NELL2: variants seen among roughly 807,000 people sequenced by gnomAD.
NELL2 encodes the protein protein kinase C-binding protein NELL2.
NELL2 carries 41 observed loss-of-function variants against 109.6 expected under a neutral mutation model. The ratio of observed to expected loss-of-function variants is 0.37; its 90% CI spans 0.29 to 0.49. NELL2 has a LOEUF of 0.49. NELL2 is among the 20% of genes least tolerant of loss of function. The pLI is 0.98. For missense variants in NELL2, 900 were observed against 1,008.3 expected, an observed-to-expected ratio of 0.89 and a Z score of 1.45; for synonymous variants, 355 against 344.7, an observed-to-expected ratio of 1.03 and a Z score of -0.33.
In NELL2 at chr12:44,774,730, A is replaced by G. The variant is rs1221644045; in HGVS notation, c.994+17T>C. 1.9e-6 allele frequency: 3 copies of G among 1,594,846 alleles called. No homozygotes were observed. The highest frequency in any genetic ancestry group is 3.3e-5 in the Admixed American group (2 of 59,992). ...TATTTTTCCAAAGAAAGTATTCATC[A>G]TAAAAGTTATGCTCACATTTGCATT... On this transcript the variant is annotated intron_variant, in intron 9 of 19. Coordinates refer to ENST00000429094, the MANE Select transcript of NELL2 (RefSeq NM_001145108.2).
chr12:44,540,750 T>C (rs1187567188), intron 15 of NELL2, among the ~76,000 whole-genome samples: 1 of 117,254 alleles, frequency 8.5e-6, no homozygotes, highest in African/African-American at 3.3e-5. Context: ...AACTGGCTCT[T>C]TTTTTAGCTT....
intron 14 of NELL2, among the ~76,000 whole-genome samples, chr12:44,608,875 C>A (rs781236620): frequency 2.7e-5 from 4 of 150,694 alleles, no homozygotes; most frequent in Non-Finnish European, 5.9e-5. Flanking sequence ...CCTCAGACAG[C>A]ACAGAAATCT....
At chr12:44,675,863 G>A (rs1948295729) in intron 12 of NELL2, among the ~76,000 whole-genome samples, 1 of 152,076 alleles carries the variant, frequency 6.6e-6, no homozygotes, top group East Asian at 1.9e-4. Context: ...AACATTTCTA[G>A]ACCCCAGGTT....
intron 15 of NELL2, among the ~76,000 whole-genome samples, chr12:44,540,795 A>AAAAAAAAAAAAAAAAAAAAAAC: frequency 6.7e-6 from 1 of 150,266 alleles, no homozygotes. Context: ...AAAAAAAAAA[A>AAAAAAAAAAAAAAAAAAAAAAC]AAAGCCCATC....
chr12:44,605,525 T>A (rs189179220), intron 15 of NELL2, among the ~76,000 whole-genome samples: 59 of 152,282 alleles, frequency 3.9e-4, no homozygotes, highest in Non-Finnish European at 6.5e-4. Context: ...CTACATGTTC[T>A]CTTGGGTTAT....
chr12:44,667,851 G>A lies in NELL2; in HGVS notation c.1319-2242C>T, dbSNP rs554118341. On this transcript the variant is annotated intron_variant, in intron 12 of 19. Coordinates refer to ENST00000429094, the MANE Select transcript of NELL2 (RefSeq NM_001145108.2). ...TGCAGAGGTCCACATTCCTACCACA[G>A]ACTCATATAATCCTAGCCACAAAAG... Among the ~76,000 whole-genome samples the A allele has an allele frequency of 1.4e-4, 21 of 152,262 alleles. No individual in the cohort carries two copies. The East Asian group carries it at 4.1e-3, about 29-fold the overall frequency.
At chr12:44,802,567 A>C (rs186812203) in intron 3 of NELL2, among the ~76,000 whole-genome samples, 26 of 152,238 alleles carry the variant, frequency 1.7e-4, no homozygotes, top group African/African-American at 5.3e-4. Context: ...TTATGGGAAT[A>C]AGATGTTATT....
chr12:44,686,225 C>A (rs937340777), intron 12 of NELL2, among the ~76,000 whole-genome samples: 1 of 152,190 alleles, frequency 6.6e-6, no homozygotes, highest in African/African-American at 2.4e-5. Context: ...GAGGCGTCTG[C>A]ATTCTTCACG....
intron 12 of NELL2, among the ~76,000 whole-genome samples, chr12:44,681,495 C>A (rs545030123): frequency 1.2e-4 from 18 of 151,892 alleles, no homozygotes; most frequent in African/African-American, 4.1e-4. Flanking sequence ...TATACATGCT[C>A]CATGCTGGTG....
At chr12:44,763,957 C>T (rs1280944682) in intron 9 of NELL2, among the ~76,000 whole-genome samples, 2 of 152,132 alleles carry the variant, frequency 1.3e-5, no homozygotes, top group African/African-American at 4.8e-5. Context: ...TGAGACAGCA[C>T]AATCTTTCTC....
intron 5 of NELL2, among the ~76,000 whole-genome samples, chr12:44,777,796 T>C (rs899000930): frequency 1.3e-5 from 2 of 152,188 alleles, no homozygotes; most frequent in Non-Finnish European, 2.9e-5. Context: ...TAAAACTAAT[T>C]TCTCAATTTA....
chr12:44,554,764 G>A (rs1943179287), intron 15 of NELL2, among the ~76,000 whole-genome samples: 3 of 152,160 alleles, frequency 2.0e-5, no homozygotes, highest in Admixed American at 2.0e-4. Context: ...GATACTTAAG[G>A]TAACAAACTG....
intron 15 of NELL2, among the ~76,000 whole-genome samples, chr12:44,561,707 A>G (rs1357017174): frequency 6.6e-6 from 1 of 152,224 alleles, no homozygotes; most frequent in Non-Finnish European, 1.5e-5. Context: ...ATGCTCATGG[A>G]TAGGAAGAAT....
intron 12 of NELL2, among the ~76,000 whole-genome samples, chr12:44,691,229 G>T (rs910131003): frequency 6.6e-6 from 1 of 152,136 alleles, no homozygotes; most frequent in Non-Finnish European, 1.5e-5. Flanking sequence ...CCAACAGCAG[G>T]TGCTTGTTTC....
intron 13 of NELL2, among the ~76,000 whole-genome samples, chr12:44,622,522 A>C (rs1339487074): frequency 6.6e-6 from 1 of 152,170 alleles, no homozygotes; most frequent in Admixed American, 6.5e-5. Context: ...TAAAGAGTAC[A>C]CTCAACAAAC....
intron 13 of NELL2, among the ~76,000 whole-genome samples, chr12:44,624,439 C>T (rs1229220113): frequency 6.6e-6 from 1 of 152,130 alleles, no homozygotes; most frequent in Non-Finnish European, 1.5e-5. Flanking sequence ...ATTCATGGCT[C>T]TTATTCTACC....
chr12:44,591,783 G>A (rs995390846), intron 15 of NELL2, among the ~76,000 whole-genome samples: 3 of 152,070 alleles, frequency 2.0e-5, no homozygotes, highest in African/African-American at 2.4e-5. Flanking sequence ...CCAACACAAA[G>A]AAATGATAAC....
intron 2 of NELL2, among the ~76,000 whole-genome samples, chr12:44,826,935 T>C (rs888156212): frequency 6.6e-6 from 1 of 152,202 alleles, no homozygotes; most frequent in Non-Finnish European, 1.5e-5. Flanking sequence ...TAAATTGCAC[T>C]TGATCTTAGA....
intron 19 of NELL2, among the ~76,000 whole-genome samples, chr12:44,514,540 ATTG>A (rs931579117): frequency 1.1e-4 from 17 of 149,614 alleles, no homozygotes; most frequent in South Asian, 2.1e-4. Context: ...ATTATTAGTT[ATTG>A]TTGTCAATCT....
Sources: gnomAD v4.1 joint callset for allele counts (sites outside exome capture counted in the v4.1 genomes callset) on GRCh38, gnomAD v4.1.1 for gene constraint, MANE v1.5 for transcripts, NCBI Gene and HGNC (gene_info 2026-07-23, HGNC 2026-07-21) for gene names.